The following ENGASE variants were observed in gnomAD, a reference collection of about 807,000 sequenced individuals.
The protein encoded by ENGASE is cytosolic endo-beta-N-acetylglucosaminidase.
A neutral mutation model predicts 78.5 loss-of-function variants in ENGASE; 69 were observed. The ratio of observed to expected loss-of-function variants is 0.88; its 90% CI spans 0.72 to 1.07. The LOEUF (loss-of-function observed/expected upper bound fraction) is 1.07. ENGASE is among the 50% of genes least tolerant of loss of function. The pLI is 0.00. For missense variants in ENGASE, 943 were observed against 988.4 expected, an observed-to-expected ratio of 0.95 and a Z score of 0.62; for synonymous variants, 408 against 408.9, an observed-to-expected ratio of 1.00 and a Z score of 0.03.
Position 79,079,562 on chromosome 17 carries a change from T to C in ENGASE, c.490T>C (p.Phe164Leu). 6.2e-7 allele frequency: 1 copy of C among 1,614,124 alleles called. No individual in the cohort carries two copies. The highest frequency in any genetic ancestry group is 8.5e-7 in the Non-Finnish European group (1 of 1,180,016). ...HWQCIDVFVYFSHHTVTIPPV... is the reference protein window; with the variant it reads ...HWQCIDVFVYLSHHTVTIPPV... ...GCAGTGCATCGACGTCTTTGTGTAC[T>C]TCAGCCACCACACCGTCACCATTCC... Residue 164 changes from phenylalanine (F) to leucine (L), a missense_variant, in exon 4 of 14, where the codon TTC becomes CTC. Transcript: ENST00000579016.
chr17:79,081,433 C>T (rs2073134189), intron 6 of ENGASE, among the ~76,000 whole-genome samples: 1 of 152,022 alleles, frequency 6.6e-6, no homozygotes, highest in African/African-American at 2.4e-5. Context: ...ACCTGGGAGG[C>T]GGAGCTTGCA....
Position 79,087,062 on chromosome 17 carries a change from G to A in ENGASE, c.*713G>A, listed in dbSNP as rs560312051. On this transcript the variant is annotated 3_prime_UTR_variant, in exon 14 of 14. Coordinates refer to ENST00000579016, the MANE Select transcript of ENGASE (RefSeq NM_001042573.3). The stretch of plus-strand genomic sequence containing the variant: ...TTTCAGCAGCCCCTGGCTCTGCGGC[G>A]TCTCTTCCGGGCTGTGGGCATGCAG... 3.2e-5 allele frequency: 15 copies of A among 469,652 alleles called. No individual in the cohort carries two copies. The highest frequency in any genetic ancestry group is 4.5e-5 in the Admixed American group (2 of 44,358). The allele number at this position is 469,652 out of a possible 1,614,324, so 29.1% of individuals were successfully genotyped here.
chr17:79,084,173 G>A (rs1234445009), intron 10 of ENGASE: 5 of 566,624 alleles, frequency 8.8e-6, no homozygotes, highest in Middle Eastern at 4.5e-4. Flanking sequence ...ACGTTGCTAC[G>A]TGACAGATCC....
chr17:79,088,275 TG>T lies in ENGASE; in HGVS notation c.*1931del, dbSNP rs1420782204. Reference sequence around the variant, plus strand: ...CCTGGCCTCTCTGTGTCCTCTGCAGTGGGGGTTGTGGGGGGCGCAGCATCCA... The same window carrying T: ...CCTGGCCTCTCTGTGTCCTCTGCAGTGGGGTTGTGGGGGGCGCAGCATCCA... On this transcript the variant is annotated 3_prime_UTR_variant, in exon 14 of 14. Transcript: ENST00000579016. 2 of 152,070 alleles carry T rather than the reference TG, an allele frequency of 1.3e-5. No individual in the cohort carries two copies. The highest frequency in any genetic ancestry group is 2.9e-5 in the Non-Finnish European group (2 of 68,020). 9.4% of individuals were successfully genotyped at this position (152,070 alleles called of 1,614,324 possible). A position where few individuals can be genotyped will look rare whatever the true frequency, so the allele number is the denominator to read the frequency against.
chr17:79,085,141 C>A, intron 11 of ENGASE, 93 bp from the exon 12 acceptor site: 1 of 991,628 alleles, frequency 1.0e-6, no homozygotes, highest in Non-Finnish European at 1.6e-6. Flanking sequence ...ATCAGGCAGC[C>A]TTCTCTGGAC....
Position 79,074,961 on chromosome 17 carries a change from T to A in ENGASE, c.17T>A (p.Val6Glu), listed in dbSNP as rs2072930410. Residue 6 changes from valine to glutamate, a missense_variant, in exon 1 of 14, where the codon GTG becomes GAG. Coordinates refer to ENST00000579016, the MANE Select transcript of ENGASE (RefSeq NM_001042573.3). Reference sequence around the variant, plus strand: ...GACAGTGTCATGGAGGCCGCGGCGGTGACGGTCACCCGGTCGGCTACACGG... The same window carrying A: ...GACAGTGTCATGGAGGCCGCGGCGGAGACGGTCACCCGGTCGGCTACACGG... MEAAA[V>E]TVTRSATRRR... 2 of 1,253,690 alleles carry A rather than the reference T, an allele frequency of 1.6e-6. No homozygotes were observed. The highest frequency in any genetic ancestry group is 3.1e-4 in the Middle Eastern group (1 of 3,194). 77.7% of individuals were successfully genotyped at this position (1,253,690 alleles called of 1,614,324 possible). A position where few individuals can be genotyped will look rare whatever the true frequency, so the allele number is the denominator to read the frequency against.
chr17:79,084,227 C>T, intron 10 of ENGASE: 1 of 536,366 alleles, frequency 1.9e-6, no homozygotes, highest in South Asian at 2.6e-5. Flanking sequence ...CCCCATTGCA[C>T]ATTAGCCCCC....
chr17:79,088,481 G>C lies in ENGASE; in HGVS notation c.*2132G>C, dbSNP rs538837639. On this transcript the variant is annotated 3_prime_UTR_variant, in exon 14 of 14. Coordinates refer to ENST00000579016, the MANE Select transcript of ENGASE (RefSeq NM_001042573.3). ...GCGTGTGGCAGAATCGCACCGCCCC[G>C]GCTCCCCAGCCCACCGCCATGCAGG... 7.2e-5 allele frequency: 11 copies of C among 152,338 alleles called. No individual in the cohort carries two copies. Among genetic ancestry groups the C allele is most frequent in the Admixed American group, 2.6e-4 (4 of 15,308 alleles). The allele number at this position is 152,338 out of a possible 1,614,324, so 9.4% of individuals were successfully genotyped here.
chr17:79,083,574 G>A lies in ENGASE; in HGVS notation c.1235G>A (p.Arg412Lys). 1.2e-6 allele frequency: 2 copies of A among 1,614,096 alleles called. No homozygotes were observed. The highest frequency in any genetic ancestry group is 1.7e-6 in the Non-Finnish European group (2 of 1,179,944). The change falls in exon 9 of 14, where the codon AGG becomes AAG. Residue 412 changes from arginine (R) to lysine (K), a missense_variant. By Grantham distance (26) the Arg-to-Lys change is conservative. Coordinates refer to ENST00000579016, the MANE Select transcript of ENGASE (RefSeq NM_001042573.3). This position sits in a 1 kb window ranked among gnomAD's most constrained non-coding sequence, Gnocchi z 4.9. ...TTCTGCCTGGGCATGGGTGCACGGA[G>A]GGTCTGCTATGGCCAGGTGGGTGGG... ...TSFCLGMGARRVCYGQEEAVG... is the reference protein window; with the variant it reads ...TSFCLGMGARKVCYGQEEAVG...
Position 79,074,899 on chromosome 17 carries a change from G to A in ENGASE, c.-46G>A, listed in dbSNP as rs1039911315. On this transcript the variant is annotated 5_prime_UTR_variant, in exon 1 of 14. Transcript: ENST00000579016. Reference sequence around the variant, plus strand: ...CCCATTGGCCGAGCGCGGCGCGGGGGCGGGCCCGGGCCTGCGATTGCCTCT... The same window carrying A: ...CCCATTGGCCGAGCGCGGCGCGGGGACGGGCCCGGGCCTGCGATTGCCTCT... The A allele has an allele frequency of 2.4e-6, 3 of 1,248,122 alleles. No individual in the cohort carries two copies. The highest frequency in any genetic ancestry group is 3.6e-5 in the Admixed American group (1 of 28,156). 77.3% of individuals were successfully genotyped at this position (1,248,122 alleles called of 1,614,324 possible).
At chr17:79,078,001 C>T in intron 3 of ENGASE, 137 bp downstream of exon 3, 2 of 844,620 alleles carry the variant, frequency 2.4e-6, no homozygotes, top group South Asian at 1.8e-5. Flanking sequence ...GGAGGGATGG[C>T]ACTAACTGCG....
chr17:79,082,528 C>T lies in ENGASE; in HGVS notation c.1038+465C>T, dbSNP rs910969928. The T allele has an allele frequency of 6.6e-6, 8 of 1,212,408 alleles. No individual in the cohort carries two copies. In the African/African-American group the frequency reaches 9.5e-5, roughly 14 times the overall value. 75.1% of individuals were successfully genotyped at this position (1,212,408 alleles called of 1,614,324 possible). A position where few individuals can be genotyped will look rare whatever the true frequency, so the allele number is the denominator to read the frequency against. ...CATTTTCTGGCAAGGCAGGTCACAC[C>T]AGCACAGAGGAAGGAGCGGGGCCAG... is the stretch of plus-strand genomic sequence containing the variant. On this transcript the variant is annotated intron_variant, in intron 7 of 13. Coordinates refer to ENST00000579016, the MANE Select transcript of ENGASE (RefSeq NM_001042573.3).
In ENGASE at chr17:79,086,984, C is replaced by T. The variant is rs1007958886; in HGVS notation, c.*635C>T. 7 of 505,648 alleles carry T rather than the reference C, an allele frequency of 1.4e-5. No individual in the cohort carries two copies. Among genetic ancestry groups the T allele is most frequent in the Non-Finnish European group, 2.8e-5 (7 of 253,980 alleles). The allele number at this position is 505,648 out of a possible 1,614,324, so 31.3% of individuals were successfully genotyped here. ...GGCCAGCCCCAGCTGCTCCGTGTTT[C>T]CTGGCGTTGGCAATTTACTGTGCTG... On this transcript the variant is annotated 3_prime_UTR_variant, in exon 14 of 14. Coordinates refer to ENST00000579016, the MANE Select transcript of ENGASE (RefSeq NM_001042573.3).
rs201399592 is a variant in ENGASE at position 79,083,506 on chromosome 17, T to C, written c.1167T>C (p.Tyr389=). ...GGTTCTGGGGCCGACTGGAGCGTTA[T>C]CTGCCCACACATAGCATCTGCTCCT... ...QDKFWGRLER[Y]LPTHSICSLP... is the part of the protein sequence containing the mutation. The change falls in exon 9 of 14, where the codon TAT becomes TAC. Residue 389 remains tyrosine, a synonymous_variant. Transcript: ENST00000579016. This position sits in a 1 kb window ranked among gnomAD's most constrained non-coding sequence, Gnocchi z 4.9. The C allele has an allele frequency of 3.2e-4, 510 of 1,614,090 alleles. No individual in the cohort carries two copies. The highest frequency in any genetic ancestry group is 6.5e-4 in the African/African-American group (49 of 74,938).
At chr17:79,076,895 TG>T (rs2072981107) in intron 1 of ENGASE, among the ~76,000 whole-genome samples, 1 of 152,134 alleles carries the variant, frequency 6.6e-6, no homozygotes, top group Non-Finnish European at 1.5e-5. Context: ...TTTTTTGAGA[TG>T]GAGTCTCGTT....
rs1487883400 is a variant in ENGASE at position 79,087,611 on chromosome 17, G to A, written c.*1262G>A. 6.5e-6 allele frequency: 1 copy of A among 154,812 alleles called. No homozygotes were observed. The highest frequency in any genetic ancestry group is 6.3e-5 in the Admixed American group (1 of 15,864). The allele number at this position is 154,812 out of a possible 1,614,324, so 9.6% of individuals were successfully genotyped here. A position where few individuals can be genotyped will look rare whatever the true frequency, so the allele number is the denominator to read the frequency against. On this transcript the variant is annotated 3_prime_UTR_variant, in exon 14 of 14. Transcript: ENST00000579016. ...CCTGAAGTCCCTCGCTTTTGGGGGG[G>A]GGGTCTCTCACCCCCAGGCCACATA...
intron 10 of ENGASE, 165 bp downstream of exon 10, chr17:79,084,116 A>G (rs541071741): frequency 5.2e-5 from 33 of 639,258 alleles, no homozygotes; most frequent in African/African-American, 1.8e-4. Flanking sequence ...GAAATTCACC[A>G]TCTTGACCCT....
Position 79,083,138 on chromosome 17 carries a change from C to T in ENGASE, c.1142+15C>T, listed in dbSNP as rs1021089353. 1 of 1,583,210 alleles carries T rather than the reference C, an allele frequency of 6.3e-7. No homozygotes were observed. Among genetic ancestry groups the T allele is most frequent in the Non-Finnish European group, 8.7e-7 (1 of 1,153,028 alleles). ...AACCAGGACAAGTGAGTCCTGCTGTCCTGGGTGCTTAGTGCAGGCTGATGG... is the reference window on the plus strand; with the variant it reads ...AACCAGGACAAGTGAGTCCTGCTGTTCTGGGTGCTTAGTGCAGGCTGATGG... On this transcript the variant is annotated intron_variant, in intron 8 of 13. Coordinates refer to ENST00000579016, the MANE Select transcript of ENGASE (RefSeq NM_001042573.3). This position sits in a 1 kb window ranked among gnomAD's most constrained non-coding sequence, Gnocchi z 4.9.
chr17:79,077,930 G>T (rs1448775452), intron 3 of ENGASE, 66 bp downstream of exon 3: 3 of 1,305,934 alleles, frequency 2.3e-6, no homozygotes, highest in Non-Finnish European at 3.1e-6. Context: ...GGGGCTGGAG[G>T]GGCGGGAGAG....
Sources: gnomAD v4.1 joint callset for allele counts (sites outside exome capture counted in the v4.1 genomes callset) on GRCh38, gnomAD v4.1.1 for gene constraint, Gnocchi (gnomAD v3.1) non-coding constraint, MANE v1.5 for transcripts, NCBI Gene and HGNC (gene_info 2026-07-23, HGNC 2026-07-21) for gene names.